DAB1: variants seen among roughly 807,000 people sequenced by gnomAD.
DAB1 encodes the protein DAB adaptor protein 1, also known as disabled homolog 1.
Under a neutral mutation model 64.6 loss-of-function variants are expected in DAB1, and 15 were observed. That is an observed-to-expected ratio of 0.23 (90% CI 0.16 to 0.36). The LOEUF is 0.36. Ranked by LOEUF, DAB1 falls within the 10% of genes least tolerant of loss-of-function variation. The pLI is 1.00. For missense variants in DAB1, 596 were observed against 706.7 expected, an observed-to-expected ratio of 0.84 and a Z score of 1.78; for synonymous variants, 235 against 251.9, an observed-to-expected ratio of 0.93 and a Z score of 0.64.
intron 5 of DAB1, among the ~76,000 whole-genome samples, chr1:57,924,802 G>T (rs1644856689): frequency 1.3e-5 from 2 of 151,894 alleles, no homozygotes; most frequent in African/African-American, 4.8e-5. Context: ...TTACTCGTCT[G>T]ATGGATATTA....
intron 2 of DAB1, among the ~76,000 whole-genome samples, chr1:57,199,561 A>G (rs1664923718): frequency 6.6e-6 from 1 of 152,248 alleles, no homozygotes; most frequent in African/African-American, 2.4e-5. Flanking sequence ...TGCACGGGTC[A>G]TTTCTTCTAA....
intron 3 of DAB1, among the ~76,000 whole-genome samples, chr1:58,376,065 TTC>T (rs1187821010): frequency 2.0e-5 from 3 of 152,138 alleles, no homozygotes; most frequent in East Asian, 1.9e-4. Flanking sequence ...TATTTGATTC[TTC>T]TCTCTTTTTT....
At chr1:57,844,321 G>T (rs72918526) in intron 1 of DAB1, among the ~76,000 whole-genome samples, 1,976 of 152,238 alleles carry the variant, frequency 0.013, 45 homozygotes, top group African/African-American at 0.046. Flanking sequence ...TCAGTATTTA[G>T]AATAAAGTAT....
intron 4 of DAB1, among the ~76,000 whole-genome samples, chr1:58,302,066 G>T (rs11207193): frequency 0.24 from 35,924 of 152,020 alleles, 5,057 homozygotes; most frequent in East Asian, 0.35. Flanking sequence ...GAAATTGTGG[G>T]GTGAGAGATG....
intron 6 of DAB1, among the ~76,000 whole-genome samples, chr1:57,818,349 T>C (rs1651963939): frequency 6.6e-6 from 1 of 152,162 alleles, no homozygotes; most frequent in African/African-American, 2.4e-5. Flanking sequence ...TAACGCCCCA[T>C]GTCCCTAAAC....
At chr1:57,700,470 A>G (rs1287655365) in intron 6 of DAB1, among the ~76,000 whole-genome samples, 1 of 152,064 alleles carries the variant, frequency 6.6e-6, no homozygotes, top group Non-Finnish European at 1.5e-5. Flanking sequence ...CTTTTGCTGT[A>G]CCTGCTGTGG....
At chr1:58,049,380 GAAC>G in intron 5 of DAB1, 1 of 535,886 alleles carries the variant, frequency 1.9e-6, no homozygotes, top group Non-Finnish European at 3.4e-6. Flanking sequence ...ATCTTAACCT[GAAC>G]TATTTTTGCA....
At chr1:58,319,851 C>T (rs1399084168) in intron 4 of DAB1, among the ~76,000 whole-genome samples, 1 of 152,172 alleles carries the variant, frequency 6.6e-6, no homozygotes, top group African/African-American at 2.4e-5. Flanking sequence ...GTAACTTTCT[C>T]TAATATTTCA....
chr1:58,063,992 T>C (rs901875094), intron 5 of DAB1, among the ~76,000 whole-genome samples: 1 of 152,260 alleles, frequency 6.6e-6, no homozygotes, highest in Non-Finnish European at 1.5e-5. Context: ...GTGTTTATTA[T>C]TTCTTCCCTC....
chr1:57,908,547 C>T (rs1644592634), intron 5 of DAB1, among the ~76,000 whole-genome samples: 1 of 152,182 alleles, frequency 6.6e-6, no homozygotes, highest in South Asian at 2.1e-4. Context: ...TACTGCAGAT[C>T]TGAGTGAAGA....
intron 7 of DAB1, among the ~76,000 whole-genome samples, chr1:57,457,398 C>A (rs760071900): frequency 1.3e-5 from 2 of 152,070 alleles, no homozygotes; most frequent in African/African-American, 2.4e-5. Context: ...TAGATCTCTT[C>A]TGTTAAAGGA....
chr1:57,568,172 G>C (rs929985839), intron 7 of DAB1, among the ~76,000 whole-genome samples: 1 of 152,120 alleles, frequency 6.6e-6, no homozygotes, highest in African/African-American at 2.4e-5. Flanking sequence ...ACAAGAAATG[G>C]GGAAAGGATT....
chr1:57,461,385 T>C (rs1475806695), intron 7 of DAB1, among the ~76,000 whole-genome samples: 1 of 152,154 alleles, frequency 6.6e-6, no homozygotes, highest in Non-Finnish European at 1.5e-5. Flanking sequence ...ATAAACCCAC[T>C]CCACTTTAAA....
intron 1 of DAB1, among the ~76,000 whole-genome samples, chr1:57,854,213 A>C (rs1653656367): frequency 6.6e-6 from 1 of 152,184 alleles, no homozygotes; most frequent in Admixed American, 6.5e-5. Context: ...GGGTAATTAC[A>C]CTTTCTTGAC....
intron 5 of DAB1, among the ~76,000 whole-genome samples, chr1:58,066,069 A>G (rs1426480150): frequency 6.6e-6 from 1 of 152,222 alleles, no homozygotes; most frequent in African/African-American, 2.4e-5. Flanking sequence ...CACAAGGGTG[A>G]TGGTAGAGGA....
chr1:58,143,562 G>A (rs1345299088), intron 5 of DAB1, among the ~76,000 whole-genome samples: 2 of 152,186 alleles, frequency 1.3e-5, no homozygotes, highest in Non-Finnish European at 2.9e-5. Context: ...CACAGACTTT[G>A]AGGATGGAGG....
intron 5 of DAB1, among the ~76,000 whole-genome samples, chr1:58,052,088 C>CT (rs1647710424): frequency 6.6e-6 from 1 of 152,152 alleles, no homozygotes; most frequent in Admixed American, 6.5e-5. Context: ...GTTGCCATTA[C>CT]TTTTGGTGTT....
intron 4 of DAB1, among the ~76,000 whole-genome samples, chr1:57,086,644 AACAC>A (rs368060919): frequency 0.018 from 2,128 of 118,596 alleles, 29 homozygotes; most frequent in African/African-American, 0.044. Context: ...TTCTGTCTTA[AACAC>A]ACACACACAC....
chr1:57,689,776 T>A (rs1300448579), intron 6 of DAB1, among the ~76,000 whole-genome samples: 3 of 152,172 alleles, frequency 2.0e-5, no homozygotes, highest in African/African-American at 7.2e-5. Context: ...CCAATTATAC[T>A]CTTTCAGTTT....
Sources: allele counts gnomAD v4.1 joint callset (sites outside exome capture counted in the v4.1 genomes callset), GRCh38; gene constraint gnomAD v4.1.1; transcripts MANE v1.5; gene names NCBI Gene and HGNC (gene_info 2026-07-23, HGNC 2026-07-21).